The following CCDC85A variants were observed in gnomAD, a reference collection of about 807,000 sequenced individuals.
CCDC85A encodes coiled-coil domain-containing protein 85A.
CCDC85A carries 38 observed loss-of-function variants against 50.2 expected under a neutral mutation model. That is an observed-to-expected ratio of 0.76 (90% CI 0.58 to 0.99). CCDC85A has a LOEUF of 0.99. Among genes scored for constraint, CCDC85A ranks in the 50% least tolerant of loss-of-function variants. The pLI is 0.00. For synonymous variants in CCDC85A, 366 were observed against 301.4 expected, an observed-to-expected ratio of 1.21 and a Z score of -2.22; for missense variants, 820 against 742.0, an observed-to-expected ratio of 1.11 and a Z score of -1.22.
chr2:56,370,308 A>T (rs1281722183), intron 3 of CCDC85A, among the ~76,000 whole-genome samples: 1 of 152,134 alleles, frequency 6.6e-6, no homozygotes, highest in African/African-American at 2.4e-5. Flanking sequence ...CCTGCGAAAC[A>T]CTAAGCCTTC....
In CCDC85A at chr2:56,369,736, A is replaced by T. The variant is rs545044470; in HGVS notation, c.1318-2608A>T. Among the ~76,000 whole-genome samples, 7 of 152,242 alleles carry T rather than the reference A, an allele frequency of 4.6e-5. No individual in the cohort carries two copies. In the South Asian group the frequency reaches 1.2e-3, roughly 27 times the overall value. On this transcript the variant is annotated intron_variant, in intron 3 of 5. Transcript: ENST00000407595. Reference sequence around the variant, plus strand: ...AGTTCGCTGAGATGCCTGGTGAGTGAGAAGTACAGTTCGGATTTCCCATTT... The same window carrying T: ...AGTTCGCTGAGATGCCTGGTGAGTGTGAAGTACAGTTCGGATTTCCCATTT...
At chr2:56,291,558 T>G (rs1671705568) in intron 2 of CCDC85A, among the ~76,000 whole-genome samples, 1 of 152,144 alleles carries the variant, frequency 6.6e-6, no homozygotes, top group Non-Finnish European at 1.5e-5. Flanking sequence ...AAAGATACTG[T>G]TCCCTTGAAA....
At chr2:56,306,481 A>G (rs1672452700) in intron 2 of CCDC85A, among the ~76,000 whole-genome samples, 1 of 152,160 alleles carries the variant, frequency 6.6e-6, no homozygotes, top group South Asian at 2.1e-4. Context: ...TGCTTGATAG[A>G]AATATTCAAA....
intron 3 of CCDC85A, among the ~76,000 whole-genome samples, chr2:56,354,936 CCT>C (rs1675145037): frequency 6.6e-6 from 1 of 152,148 alleles, no homozygotes; most frequent in African/African-American, 2.4e-5. Context: ...GATTGTGTTT[CCT>C]CAGGCCACAC....
intron 2 of CCDC85A, among the ~76,000 whole-genome samples, chr2:56,200,082 T>G (rs528389725): frequency 6.6e-6 from 1 of 152,314 alleles, no homozygotes; most frequent in South Asian, 2.1e-4. Flanking sequence ...TTAGCCAGGA[T>G]GGTCTCCATC....
At chr2:56,329,943 CTGTTTTTTTTTTTTTTT>C (rs1307251289) in intron 2 of CCDC85A, among the ~76,000 whole-genome samples, 3 of 22,874 alleles carry the variant, frequency 1.3e-4, no homozygotes, top group Non-Finnish European at 2.8e-4. Context: ...TACAGATTTC[CTGTTTTTTTTTTTTTTT>C]TTTTTTTTTT....
intron 2 of CCDC85A, among the ~76,000 whole-genome samples, chr2:56,197,855 C>T (rs1268218366): frequency 6.6e-6 from 1 of 152,178 alleles, no homozygotes; most frequent in East Asian, 1.9e-4. Flanking sequence ...TTGAAGGCAA[C>T]TCTGACATAT....
rs543795707 is a variant in CCDC85A at position 56,371,302 on chromosome 2, A to G, written c.1318-1042A>G. Among the ~76,000 whole-genome samples the G allele has an allele frequency of 1.1e-4, 16 of 152,228 alleles. No individual in the cohort carries two copies. In the South Asian group the frequency reaches 1.9e-3, roughly 18 times the overall value. On this transcript the variant is annotated intron_variant, in intron 3 of 5. Coordinates refer to ENST00000407595, the MANE Select transcript of CCDC85A (RefSeq NM_001080433.2). ...TCTCTTTCTTACTTCACTTAAGACC[A>G]TGGTGCATTTTCTTTTTTCAACCTC...
intron 5 of CCDC85A, chr2:56,383,800 G>T (rs1356947824): frequency 1.1e-6 from 1 of 935,350 alleles, no homozygotes; most frequent in Non-Finnish European, 1.3e-6. Flanking sequence ...CTTTGTTATG[G>T]ATGTATAATA....
chr2:56,236,866 A>T (rs978872939), intron 2 of CCDC85A, among the ~76,000 whole-genome samples: 4 of 152,120 alleles, frequency 2.6e-5, no homozygotes, highest in African/African-American at 9.7e-5. Flanking sequence ...TACCCAAATG[A>T]TGCTGAGTTA....
chr2:56,309,093 A>G (rs1672572738), intron 2 of CCDC85A, among the ~76,000 whole-genome samples: 1 of 152,172 alleles, frequency 6.6e-6, no homozygotes, highest in African/African-American at 2.4e-5. Context: ...TGCTGTACTG[A>G]GAGTTAAATA....
At chr2:56,357,511 T>G (rs1675293835) in intron 3 of CCDC85A, among the ~76,000 whole-genome samples, 1 of 152,242 alleles carries the variant, frequency 6.6e-6, no homozygotes, top group African/African-American at 2.4e-5. Context: ...TATTAAACTA[T>G]GCTTTTTATT....
chr2:56,376,375 T>C (rs1241412132), intron 5 of CCDC85A, among the ~76,000 whole-genome samples: 1 of 152,142 alleles, frequency 6.6e-6, no homozygotes, highest in Admixed American at 6.5e-5. Flanking sequence ...AAATAAAATA[T>C]TGAAATAAAT....
intron 2 of CCDC85A, among the ~76,000 whole-genome samples, chr2:56,294,991 G>A (rs1671882474): frequency 1.3e-5 from 2 of 152,298 alleles, no homozygotes; most frequent in Non-Finnish European, 1.5e-5. Flanking sequence ...ATGAACTAAA[G>A]TCATTGAATT....
At chr2:56,329,945 G>GTTTTTTTTTTTT (rs535050957) in intron 2 of CCDC85A, among the ~76,000 whole-genome samples, 2 of 44,162 alleles carry the variant, frequency 4.5e-5, no homozygotes, top group East Asian at 5.6e-4. Context: ...CAGATTTCCT[G>GTTTTTTTTTTTT]TTTTTTTTTT....
intron 2 of CCDC85A, among the ~76,000 whole-genome samples, chr2:56,242,184 T>A (rs1174252426): frequency 6.6e-6 from 1 of 152,222 alleles, no homozygotes; most frequent in Non-Finnish European, 1.5e-5. Context: ...TTATTACATT[T>A]TTTCCCTATA....
At chr2:56,228,085 T>C (rs532057150) in intron 2 of CCDC85A, among the ~76,000 whole-genome samples, 40 of 152,330 alleles carry the variant, frequency 2.6e-4, no homozygotes, top group African/African-American at 8.4e-4. Context: ...CATTCCCTCA[T>C]TGGGCATCAG....
intron 2 of CCDC85A, among the ~76,000 whole-genome samples, chr2:56,254,188 A>C (rs1381508627): frequency 1.3e-5 from 2 of 152,144 alleles, no homozygotes; most frequent in African/African-American, 4.8e-5. Context: ...TGAAGAAATG[A>C]GAAAGGCTGT....
intron 3 of CCDC85A, among the ~76,000 whole-genome samples, chr2:56,352,558 G>T (rs1978375): frequency 0.81 from 123,609 of 152,058 alleles, 50,669 homozygotes; most frequent in East Asian, 1. Flanking sequence ...GTTGGCCAGG[G>T]TGGTCTCAAA....
Sources: gnomAD v4.1 joint callset for allele counts (sites outside exome capture counted in the v4.1 genomes callset) on GRCh38, gnomAD v4.1.1 for gene constraint, MANE v1.5 for transcripts, NCBI Gene and HGNC (gene_info 2026-07-23, HGNC 2026-07-21) for gene names.